The following ADGRL2 variants were observed in gnomAD, a reference collection of about 807,000 sequenced individuals.
ADGRL2 encodes the protein adhesion G protein-coupled receptor L2.
In ADGRL2, 44 loss-of-function variants were observed where a neutral mutation model predicts 157.4. The observed-to-expected ratio is 0.28, with a 90% CI of 0.22 to 0.36. ADGRL2 has a LOEUF of 0.36. Ranked by LOEUF, ADGRL2 falls within the 10% of genes least tolerant of loss-of-function variation. The pLI, the probability that ADGRL2 is intolerant of heterozygous loss-of-function variation, is 1.00. For synonymous variants in ADGRL2, 585 were observed against 624.7 expected (o/e 0.94, Z 0.95); for missense variants, 1,510 against 1,768.9 (o/e 0.85, Z 2.63).
In ADGRL2 at chr1:81,373,692, C is replaced by T. The variant is rs187695908; in HGVS notation, c.-302+67183C>T. On this transcript the variant is annotated intron_variant, in intron 1 of 24. Coordinates refer to the ADGRL2 transcript ENST00000370721. ...TAATAAGGATGAATGAATGAATATA[C>T]AGAAGTCAGCCTGAAAAACATCTCT... Among the ~76,000 whole-genome samples the T allele has an allele frequency of 5.3e-5, 8 of 152,180 alleles. 1 individual carries two copies. In the East Asian group the frequency reaches 7.7e-4, roughly 15 times the overall value.
At chr1:81,840,974 T>C (rs562162663) in intron 2 of ADGRL2, among the ~76,000 whole-genome samples, 10 of 152,208 alleles carry the variant, frequency 6.6e-5, no homozygotes, top group African/African-American at 2.4e-4. Context: ...GTAAATTGAA[T>C]TTTTGTGTCC....
intron 1 of ADGRL2, among the ~76,000 whole-genome samples, chr1:81,421,066 T>A (rs575077929): frequency 1.1e-3 from 163 of 152,284 alleles, no homozygotes; most frequent in African/African-American, 3.4e-3. Flanking sequence ...TAAATGATCA[T>A]CAGCAAATAT....
chr1:81,392,135 G>A (rs971599962), intron 1 of ADGRL2, among the ~76,000 whole-genome samples: 7 of 151,492 alleles, frequency 4.6e-5, no homozygotes, highest in Admixed American at 4.6e-4. Flanking sequence ...GGTAAAGGGT[G>A]TTTTGAAATA....
intron 3 of ADGRL2, among the ~76,000 whole-genome samples, chr1:81,585,048 A>T (rs2080995948): frequency 6.6e-6 from 1 of 152,172 alleles, no homozygotes; most frequent in Non-Finnish European, 1.5e-5. Context: ...TGATAAAAAT[A>T]CTTACATGTT....
chr1:81,497,039 C>T (rs551796177), intron 2 of ADGRL2, among the ~76,000 whole-genome samples: 8 of 152,086 alleles, frequency 5.3e-5, no homozygotes, highest in African/African-American at 1.9e-4. Flanking sequence ...AAAGAAAGAA[C>T]ACAACTACAT....
At chr1:81,875,517 G>T (rs1310291041) in intron 2 of ADGRL2, among the ~76,000 whole-genome samples, 2 of 152,058 alleles carry the variant, frequency 1.3e-5, no homozygotes. Context: ...TGTTATATAG[G>T]ATTTTTAACT....
chr1:81,805,323 T>A (rs2149546034), intron 1 of ADGRL2, among the ~76,000 whole-genome samples: 1 of 152,186 alleles, frequency 6.6e-6, no homozygotes, highest in South Asian at 2.1e-4. Context: ...TTAGTTTTAT[T>A]TATTTGACTT....
chr1:81,940,044 A>C (rs1249610787), intron 4 of ADGRL2, among the ~76,000 whole-genome samples: 3 of 151,438 alleles, frequency 2.0e-5, no homozygotes, highest in Non-Finnish European at 1.5e-5. Flanking sequence ...GTAAATAAAG[A>C]CTTTGATATT....
At chr1:81,359,970 C>A (rs1021486498) in intron 1 of ADGRL2, among the ~76,000 whole-genome samples, 6 of 151,986 alleles carry the variant, frequency 3.9e-5, no homozygotes, top group African/African-American at 1.4e-4. Flanking sequence ...CTATAATAGA[C>A]AATAATCTAT....
chr1:81,334,990 G>A (rs1302322412), intron 1 of ADGRL2, among the ~76,000 whole-genome samples: 2 of 152,172 alleles, frequency 1.3e-5, no homozygotes, highest in Admixed American at 6.5e-5. Context: ...CTTTGTTGCA[G>A]TATATTTTCT....
At chr1:81,415,728 G>A (rs1298483178) in intron 1 of ADGRL2, among the ~76,000 whole-genome samples, 1 of 152,176 alleles carries the variant, frequency 6.6e-6, no homozygotes, top group Admixed American at 6.5e-5. Flanking sequence ...TTCCTTCTGG[G>A]CTAGTCCTGA....
intron 1 of ADGRL2, among the ~76,000 whole-genome samples, chr1:81,409,468 C>G (rs576458104): frequency 2.6e-5 from 4 of 152,246 alleles, no homozygotes; most frequent in African/African-American, 9.6e-5. Flanking sequence ...ATTTTTGGCA[C>G]AGAAGATAGT....
At chr1:81,576,402 C>G (rs865870486) in intron 2 of ADGRL2, among the ~76,000 whole-genome samples, 1 of 152,010 alleles carries the variant, frequency 6.6e-6, no homozygotes, top group Non-Finnish European at 1.5e-5. Flanking sequence ...TACATCATAG[C>G]TTTTTAGATT....
At chr1:81,987,528 A>T in intron 22 of ADGRL2, 1 of 593,216 alleles carries the variant, frequency 1.7e-6, no homozygotes, top group Non-Finnish European at 3.0e-6. Flanking sequence ...TCTTAAGAAA[A>T]ATTTCAGAAT....
chr1:81,332,499 C>T (rs192882949), intron 1 of ADGRL2, among the ~76,000 whole-genome samples: 1 of 152,234 alleles, frequency 6.6e-6, no homozygotes, highest in Admixed American at 6.5e-5. Context: ...TCAAATTTAG[C>T]AGTATCTATG....
intron 2 of ADGRL2, among the ~76,000 whole-genome samples, chr1:81,474,286 A>C (rs1468185124): frequency 1.3e-5 from 2 of 152,230 alleles, no homozygotes; most frequent in African/African-American, 2.4e-5. Context: ...CTCCCCCATT[A>C]GAATTTAAGC....
chr1:81,715,847 G>C (rs1019692417), intron 1 of ADGRL2, among the ~76,000 whole-genome samples: 1 of 152,074 alleles, frequency 6.6e-6, no homozygotes, highest in Non-Finnish European at 1.5e-5. Flanking sequence ...ACAGTACCTG[G>C]ATTATAATTA....
intron 1 of ADGRL2, among the ~76,000 whole-genome samples, chr1:81,428,318 A>C (rs2077256174): frequency 6.7e-6 from 1 of 148,902 alleles, no homozygotes; most frequent in African/African-American, 2.5e-5. Context: ...TTCAAATTAA[A>C]AAAAATATCT....
At chr1:81,590,277 G>A (rs1446940701) in intron 3 of ADGRL2, among the ~76,000 whole-genome samples, 1 of 152,016 alleles carries the variant, frequency 6.6e-6, no homozygotes, top group Non-Finnish European at 1.5e-5. Context: ...TCAGCCTTTC[G>A]CTCCTTATTT....
Sources: allele counts gnomAD v4.1 joint callset (sites outside exome capture counted in the v4.1 genomes callset), GRCh38; gene constraint gnomAD v4.1.1; transcripts MANE v1.5; gene names NCBI Gene and HGNC (gene_info 2026-07-23, HGNC 2026-07-21).